Variants in ZC3H12B observed in about 807,000 individuals in gnomAD.
ZC3H12B encodes the protein zinc finger CCCH-type containing 12B, also known as probable ribonuclease ZC3H12B.
In ZC3H12B, 7 loss-of-function variants were observed where a neutral mutation model predicts 43.9. The observed-to-expected ratio is 0.16, with a 90% CI of 0.09 to 0.30. The LOEUF is 0.30. Among genes scored for constraint, ZC3H12B ranks in the 10% least tolerant of loss-of-function variants. ZC3H12B has a pLI of 1.00. For missense variants in ZC3H12B, 475 were observed against 670.2 expected, an observed-to-expected ratio of 0.71 and a Z score of 3.22; for synonymous variants, 222 against 241.7, an observed-to-expected ratio of 0.92 and a Z score of 0.76.
chrX:65,168,779 G>C, the ZC3H12B span, among the ~76,000 whole-genome samples: 1 of 111,494 alleles, frequency 9.0e-6, no homozygotes, highest in African/African-American at 3.3e-5. Context: ...GAGGGTGTGT[G>C]TGTCCAGGAA....
At chrX:65,082,833 A>G in the ZC3H12B span, among the ~76,000 whole-genome samples, 1 of 111,532 alleles carries the variant, frequency 9.0e-6, no homozygotes, top group African/African-American at 3.3e-5. Flanking sequence ...AATATTGTTG[A>G]TGAATGTTGG....
the ZC3H12B span, among the ~76,000 whole-genome samples, chrX:65,178,679 A>G: frequency 8.9e-6 from 1 of 112,765 alleles, no homozygotes; most frequent in Admixed American, 9.4e-5. Flanking sequence ...AACACTAGTC[A>G]TTAGAGAATG....
chrX:65,270,575 A>C, the ZC3H12B span, among the ~76,000 whole-genome samples: 1 of 111,617 alleles, frequency 9.0e-6, no homozygotes, highest in South Asian at 3.8e-4. Flanking sequence ...TAAAGAGAAT[A>C]ATCAACACAA....
chrX:65,194,656 G>T, the ZC3H12B span, among the ~76,000 whole-genome samples: 2 of 111,926 alleles, frequency 1.8e-5, no homozygotes, highest in African/African-American at 3.2e-5. Context: ...TGCAGCCTTT[G>T]AATGAAATGT....
Position 65,385,978 on chromosome X carries a change from C to A in ZC3H12B, n.296-12615C>A, listed in dbSNP as rs144188009. Among the ~76,000 whole-genome samples, 808 of 112,298 alleles carry A rather than the reference C, an allele frequency of 7.2e-3. 6 individuals are homozygous for A. Among genetic ancestry groups the A allele is most frequent in the African/African-American group, 0.025 (775 of 30,868 alleles). ...ATTTGCGTATGTTGAACCAGTCTTG[C>A]ATCCCAGGGATGAAGCCCACTTGAT... On this transcript the variant is annotated intron_variant and non_coding_transcript_variant, in intron 2 of 5. Transcript: ENST00000617377.
the ZC3H12B span, among the ~76,000 whole-genome samples, chrX:65,161,187 G>C: frequency 9.0e-6 from 1 of 110,650 alleles, no homozygotes; most frequent in Non-Finnish European, 1.9e-5. Context: ...CCAACTATGT[G>C]GTCAATTTTG....
At chrX:65,327,674 G>C in the ZC3H12B span, among the ~76,000 whole-genome samples, 1 of 111,317 alleles carries the variant, frequency 9.0e-6, no homozygotes, top group East Asian at 2.8e-4. Context: ...TATTATAAAA[G>C]GGCATAGTGT....
chrX:65,054,140 T>C, the ZC3H12B span, among the ~76,000 whole-genome samples: 1 of 111,972 alleles, frequency 8.9e-6, no homozygotes, highest in Admixed American at 9.4e-5. Flanking sequence ...ATTTTGGCTT[T>C]TGTTGCCATT....
chrX:65,360,623 T>C, the ZC3H12B span, among the ~76,000 whole-genome samples: 4 of 112,476 alleles, frequency 3.6e-5, no homozygotes, highest in Non-Finnish European at 7.5e-5. Flanking sequence ...ACAACTACTT[T>C]GGAAAACAGT....
the ZC3H12B span, among the ~76,000 whole-genome samples, chrX:65,284,089 G>C: frequency 1.8e-5 from 2 of 110,420 alleles, no homozygotes; most frequent in African/African-American, 6.6e-5. Flanking sequence ...TATACAGAGA[G>C]TATGCTATTA....
chrX:65,078,168 G>A, the ZC3H12B span, among the ~76,000 whole-genome samples: 1 of 112,173 alleles, frequency 8.9e-6, no homozygotes, highest in South Asian at 3.7e-4. Flanking sequence ...GGTTTGATGG[G>A]ACTAGGGCTG....
At chrX:65,293,825 A>C in the ZC3H12B span, among the ~76,000 whole-genome samples, 1 of 111,734 alleles carries the variant, frequency 8.9e-6, no homozygotes, top group Non-Finnish European at 1.9e-5. Flanking sequence ...AATTTAAAAA[A>C]TGAACAAAGC....
At chrX:65,349,579 GT>G in the ZC3H12B span, among the ~76,000 whole-genome samples, 4 of 111,312 alleles carry the variant, frequency 3.6e-5, no homozygotes, top group Non-Finnish European at 7.5e-5. Flanking sequence ...TCCAGGAGCT[GT>G]TTTTTGAAAA....
the ZC3H12B span, among the ~76,000 whole-genome samples, chrX:65,086,861 G>A: frequency 9.0e-6 from 1 of 111,699 alleles, no homozygotes; most frequent in Non-Finnish European, 1.9e-5. Context: ...CTCATGCCAG[G>A]CTTTGCCTCC....
the ZC3H12B span, among the ~76,000 whole-genome samples, chrX:65,282,405 C>T: frequency 4.5e-5 from 5 of 111,837 alleles, no homozygotes; most frequent in East Asian, 2.8e-4. Flanking sequence ...TTGAATTTAA[C>T]GGTACTGGAA....
intron 3 of ZC3H12B, among the ~76,000 whole-genome samples, chrX:65,478,512 G>A (rs1439044206): frequency 8.9e-6 from 1 of 112,544 alleles, no homozygotes; most frequent in East Asian, 2.8e-4. Flanking sequence ...TGTAATTGTT[G>A]TTTAGAGACC....
At chrX:65,122,900 C>G in the ZC3H12B span, among the ~76,000 whole-genome samples, 2 of 111,414 alleles carry the variant, frequency 1.8e-5, no homozygotes, top group African/African-American at 6.5e-5. Context: ...CCTTAGAGAC[C>G]TACAAAGAGA....
the ZC3H12B span, among the ~76,000 whole-genome samples, chrX:65,049,513 C>A: frequency 9.0e-6 from 1 of 111,117 alleles, no homozygotes; most frequent in East Asian, 2.8e-4. Flanking sequence ...GCTCACTATT[C>A]TTTTCGAAAT....
chrX:65,121,103 A>G, the ZC3H12B span, among the ~76,000 whole-genome samples: 1 of 111,087 alleles, frequency 9.0e-6, no homozygotes, highest in East Asian at 2.8e-4. Context: ...ATATTGGTCT[A>G]AAATTCTCTT....
Sources: gnomAD v4.1 joint callset for allele counts (sites outside exome capture counted in the v4.1 genomes callset) on GRCh38, gnomAD v4.1.1 for gene constraint, MANE v1.5 for transcripts, NCBI Gene and HGNC (gene_info 2026-07-23, HGNC 2026-07-21) for gene names.